PRIM2: variants seen among roughly 807,000 people sequenced by gnomAD.
PRIM2 encodes DNA primase large subunit.
A neutral mutation model predicts 67.3 loss-of-function variants in PRIM2; 39 were observed. That is an observed-to-expected ratio of 0.58 (90% CI 0.45 to 0.76). PRIM2 has a LOEUF of 0.76. Among genes scored for constraint, PRIM2 ranks in the 30% least tolerant of loss-of-function variants. PRIM2 has a pLI of 0.00. For missense variants in PRIM2, 398 were observed against 598.7 expected (o/e 0.66, Z 3.50); for synonymous variants, 143 against 198.7 (o/e 0.72, Z 2.36).
intron 8 of PRIM2, among the ~76,000 whole-genome samples, chr6:57,521,647 T>G (rs1352558935): frequency 3.3e-5 from 5 of 152,148 alleles, no homozygotes; most frequent in Non-Finnish European, 1.5e-5. Flanking sequence ...AGAGATCAGT[T>G]TTGATTACTT....
intron 3 of PRIM2, 116 bp from the exon 4 acceptor site, chr6:57,324,085 A>G (rs1767755277): frequency 1.6e-6 from 1 of 612,090 alleles, no homozygotes; most frequent in South Asian, 2.0e-5. Flanking sequence ...CCCCATCTCT[A>G]AAAAAAGAAA....
intron 7 of PRIM2, chr6:57,382,681 G>A (rs543342081): frequency 1.3e-5 from 2 of 152,318 alleles, no homozygotes; most frequent in African/African-American, 4.8e-5. Flanking sequence ...TGATTTTTAA[G>A]TAGTTTGTTG....
chr6:57,536,987 A>G (rs1775015044), intron 9 of PRIM2, among the ~76,000 whole-genome samples: 1 of 152,226 alleles, frequency 6.6e-6, no homozygotes, highest in African/African-American at 2.4e-5. Context: ...GTGCATGAGT[A>G]CAACTGAGGA....
At chr6:57,262,364 C>T in the PRIM2 span, among the ~76,000 whole-genome samples, 78 of 152,168 alleles carry the variant, frequency 5.1e-4, 1 homozygote, top group Non-Finnish European at 1.0e-3. Context: ...AAATCCCCTT[C>T]CTACTCGACT....
At chr6:57,265,505 A>C in the PRIM2 span, among the ~76,000 whole-genome samples, 244 of 152,322 alleles carry the variant, frequency 1.6e-3, 2 homozygotes, top group Non-Finnish European at 2.4e-3. Context: ...TTTTCCATAC[A>C]CTTTGGTTTA....
chr6:57,442,993 T>A (rs1443289039), intron 7 of PRIM2, among the ~76,000 whole-genome samples: 1 of 152,168 alleles, frequency 6.6e-6, no homozygotes, highest in Non-Finnish European at 1.5e-5. Flanking sequence ...GTTCGATTAT[T>A]TTAGATTCCC....
chr6:57,340,468 A>C (rs950696353), intron 5 of PRIM2, among the ~76,000 whole-genome samples: 4 of 152,216 alleles, frequency 2.6e-5, no homozygotes, highest in African/African-American at 7.2e-5. Flanking sequence ...AATGTCCAAC[A>C]ATGATAGACT....
chr6:57,520,430 G>A (rs1774586323), intron 8 of PRIM2, among the ~76,000 whole-genome samples: 1 of 151,978 alleles, frequency 6.6e-6, no homozygotes, highest in South Asian at 2.1e-4. Flanking sequence ...GACTATCCTG[G>A]ACCCAACCCA....
chr6:57,296,077 C>A, the PRIM2 span, among the ~76,000 whole-genome samples: 8 of 152,026 alleles, frequency 5.3e-5, no homozygotes, highest in Admixed American at 2.6e-4. Flanking sequence ...CTAACTATAA[C>A]AAATGAACCT....
At chr6:57,268,585 T>C in the PRIM2 span, among the ~76,000 whole-genome samples, 1 of 152,116 alleles carries the variant, frequency 6.6e-6, no homozygotes, top group Admixed American at 6.5e-5. Context: ...CAAGGATATA[T>C]ATGTATATAT....
chr6:57,550,400 A>C (rs1337038599), intron 10 of PRIM2, among the ~76,000 whole-genome samples: 1 of 152,138 alleles, frequency 6.6e-6, no homozygotes, highest in African/African-American at 2.4e-5. Flanking sequence ...GCTTGCTTTC[A>C]TGAATTGTCA....
At chr6:57,452,978 G>A (rs1425577052) in intron 7 of PRIM2, among the ~76,000 whole-genome samples, 1 of 152,240 alleles carries the variant, frequency 6.6e-6, no homozygotes, top group Non-Finnish European at 1.5e-5. Flanking sequence ...TGTAAGGAAG[G>A]GATCCAGTTT....
chr6:57,630,443 T>C (rs1777021690), intron 12 of PRIM2, among the ~76,000 whole-genome samples: 1 of 152,134 alleles, frequency 6.6e-6, no homozygotes, highest in African/African-American at 2.4e-5. Flanking sequence ...CATCTGTTTT[T>C]CTCACATTCT....
intron 5 of PRIM2, among the ~76,000 whole-genome samples, chr6:57,348,116 A>AAT (rs1768737586): frequency 6.6e-6 from 1 of 152,070 alleles, no homozygotes; most frequent in African/African-American, 2.4e-5. Flanking sequence ...TTCTCGGTAT[A>AAT]ATATTGCCAT....
chr6:57,330,384 T>TTTTTTTTTTTTTTTTTTTTTTTTTTTTG (rs1562696759), intron 5 of PRIM2, among the ~76,000 whole-genome samples: 1 of 35,144 alleles, frequency 2.8e-5, no homozygotes, highest in African/African-American at 1.2e-4. Context: ...TGTTTTTTTG[T>TTTTTTTTTTTTTTTTTTTTTTTTTTTTG]TTTTTTTTTT....
At chr6:57,640,243 G>A (rs1582033108) in intron 13 of PRIM2, among the ~76,000 whole-genome samples, 1 of 151,950 alleles carries the variant, frequency 6.6e-6, no homozygotes, top group Non-Finnish European at 1.5e-5. Flanking sequence ...TCTCAAAATA[G>A]TAAGAGCTAT....
At chr6:57,514,558 T>G (rs1185314603) in intron 8 of PRIM2, among the ~76,000 whole-genome samples, 1 of 152,218 alleles carries the variant, frequency 6.6e-6, no homozygotes, top group Admixed American at 6.5e-5. Context: ...CACAAGCTTT[T>G]ATAGTTCACT....
At chr6:57,639,620 A>ATAAG (rs1242580931) in intron 13 of PRIM2, among the ~76,000 whole-genome samples, 1 of 78,656 alleles carries the variant, frequency 1.3e-5, no homozygotes. Context: ...AATACTGTAA[A>ATAAG]CTAGAAAGTT....
At chr6:57,380,415 G>C (rs1311542138) in intron 6 of PRIM2, among the ~76,000 whole-genome samples, 1 of 152,048 alleles carries the variant, frequency 6.6e-6, no homozygotes, top group African/African-American at 2.4e-5. Flanking sequence ...TGGTCTCTCT[G>C]TGATTCCACT....
Sources: gnomAD v4.1 joint callset for allele counts (sites outside exome capture counted in the v4.1 genomes callset) on GRCh38, gnomAD v4.1.1 for gene constraint, MANE v1.5 for transcripts, NCBI Gene and HGNC (gene_info 2026-07-23, HGNC 2026-07-21) for gene names.